Variants in ATF7IP observed in about 807,000 individuals in gnomAD.
The protein encoded by ATF7IP is activating transcription factor 7 interacting protein.
In ATF7IP, 23 loss-of-function variants were observed where a neutral mutation model predicts 106.4. That is an observed-to-expected ratio of 0.22 (90% CI 0.16 to 0.31). The LOEUF is 0.31. Among genes scored for constraint, ATF7IP ranks in the 10% least tolerant of loss-of-function variants. ATF7IP has a pLI of 1.00. For synonymous variants in ATF7IP, 542 were observed against 539.0 expected, an observed-to-expected ratio of 1.01 and a Z score of -0.08; for missense variants, 1,334 against 1,524.3, an observed-to-expected ratio of 0.88 and a Z score of 2.08.
intron 1 of ATF7IP, among the ~76,000 whole-genome samples, chr12:14,415,462 G>A (rs893432886): frequency 6.6e-6 from 1 of 152,154 alleles, no homozygotes; most frequent in Non-Finnish European, 1.5e-5. Context: ...CTCCTGCCTT[G>A]TCTGGGGAAT....
intron 6 of ATF7IP, among the ~76,000 whole-genome samples, chr12:14,448,591 A>G (rs923130370): frequency 6.6e-6 from 1 of 152,150 alleles, no homozygotes; most frequent in South Asian, 2.1e-4. Context: ...TCTTTGGGCT[A>G]TTTTGAATAA....
chr12:14,423,774 G>A (rs1941671927), intron 1 of ATF7IP, 135 bp from the exon 2 acceptor site: 1 of 923,576 alleles, frequency 1.1e-6, no homozygotes, highest in Non-Finnish European at 1.6e-6. Context: ...TATACAACAA[G>A]CAGTAGGTTT....
chr12:14,389,173 A>G (rs1045485172), intron 1 of ATF7IP, among the ~76,000 whole-genome samples: 3 of 152,196 alleles, frequency 2.0e-5, no homozygotes, highest in Admixed American at 2.0e-4. Flanking sequence ...GTGTGTATTT[A>G]AAAACTATGG....
intron 10 of ATF7IP, among the ~76,000 whole-genome samples, chr12:14,468,403 G>A (rs1484918323): frequency 2.0e-5 from 3 of 151,560 alleles, no homozygotes; most frequent in Non-Finnish European, 4.4e-5. Flanking sequence ...CACTTTGGGA[G>A]GTGAAGACAG....
At chr12:14,491,486 A>T (rs1380953678) in intron 13 of ATF7IP, among the ~76,000 whole-genome samples, 1 of 152,204 alleles carries the variant, frequency 6.6e-6, no homozygotes, top group East Asian at 1.9e-4. Flanking sequence ...CTCACCAATA[A>T]GTCCAGTGTT....
intron 1 of ATF7IP, among the ~76,000 whole-genome samples, chr12:14,372,625 A>G (rs1167348346): frequency 6.6e-6 from 1 of 152,132 alleles, no homozygotes; most frequent in African/African-American, 2.4e-5. Flanking sequence ...TCCATTGCTC[A>G]GAATATTATA....
intron 8 of ATF7IP, 90 bp from the exon 9 acceptor site, chr12:14,460,405 C>G: frequency 7.8e-7 from 1 of 1,278,476 alleles, no homozygotes; most frequent in East Asian, 2.3e-5. Context: ...CAATGTATTA[C>G]GCAATGTATT....
chr12:14,428,099 G>GGTA (rs1941949906), intron 2 of ATF7IP, among the ~76,000 whole-genome samples: 1 of 151,984 alleles, frequency 6.6e-6, no homozygotes, highest in Non-Finnish European at 1.5e-5. Flanking sequence ...TACAGAGTGT[G>GGTA]GCACTAGGCC....
chr12:14,461,410 C>G (rs1188759135), intron 9 of ATF7IP, among the ~76,000 whole-genome samples: 1 of 151,954 alleles, frequency 6.6e-6, no homozygotes, highest in East Asian at 1.9e-4. Context: ...GGCTTTGTGG[C>G]AAGCATTATG....
At position 14,383,197 on chromosome 12, in the gene ATF7IP, G is replaced by A. The variant is rs918474056; in HGVS notation, c.-8+17370G>A. ...CTTATTGGAGAATTCTGGATTTTCG[G>A]ATTAGGGATGTCCAACCTGTATTAT... On this transcript the variant is annotated intron_variant, in intron 1 of 14. Transcript: ENST00000261168. 2.0e-5 allele frequency among the ~76,000 whole-genome samples: 3 copies of A among 152,114 alleles called. No individual in the cohort carries two copies. In the East Asian group the frequency reaches 5.8e-4, roughly 29 times the overall value.
intron 9 of ATF7IP, 141 bp from the exon 10 acceptor site, chr12:14,466,385 G>A (rs1943833161): frequency 1.5e-6 from 1 of 680,378 alleles, no homozygotes; most frequent in South Asian, 1.7e-5. Context: ...GCAGTGGTCT[G>A]TGAATTTGAG....
chr12:14,381,574 C>G (rs1038355316), intron 1 of ATF7IP, among the ~76,000 whole-genome samples: 1 of 152,010 alleles, frequency 6.6e-6, no homozygotes, highest in Non-Finnish European at 1.5e-5. Context: ...GTAGCTGTTA[C>G]CTCTTATTTC....
At chr12:14,375,450 T>A (rs2136400535) in intron 1 of ATF7IP, among the ~76,000 whole-genome samples, 1 of 152,262 alleles carries the variant, frequency 6.6e-6, no homozygotes, top group South Asian at 2.1e-4. Flanking sequence ...AAAGATGGAA[T>A]GATATAATTA....
intron 1 of ATF7IP, among the ~76,000 whole-genome samples, chr12:14,411,413 G>A (rs1451389616): frequency 1.3e-5 from 2 of 152,132 alleles, no homozygotes; most frequent in South Asian, 2.1e-4. Context: ...AAAAGCCATA[G>A]CATTAGGAGA....
In ATF7IP at chr12:14,460,807, C is replaced by G. The variant is rs1312382043; in HGVS notation, c.2471C>G (p.Thr824Arg). The G allele has an allele frequency of 1.9e-6, 3 of 1,614,092 alleles. No homozygotes were observed. The African/African-American group carries it at 4.0e-5, about 22-fold the overall frequency. The change falls in exon 9 of 15, where the codon ACA (threonine) becomes AGA (arginine). Residue 824 changes from threonine (T) to arginine (R), a missense_variant. Physicochemically the swap from Thr to Arg is moderately conservative, Grantham distance 71 (BLOSUM62 -1). Coordinates refer to ENST00000261168, the MANE Select transcript of ATF7IP (RefSeq NM_018179.5). ...TTCATTTCTGTGCAAAGCCCACCTA[C>G]AGTGAGTGGTCTTACCAAAAATCCA... is the stretch of plus-strand genomic sequence containing the variant. ...VEFISVQSPP[T>R]VSGLTKNPVS...
intron 1 of ATF7IP, among the ~76,000 whole-genome samples, chr12:14,402,159 G>A (rs1446948918): frequency 4.7e-5 from 5 of 106,588 alleles, no homozygotes; most frequent in Admixed American, 1.5e-4. Context: ...ATAGGGTCTC[G>A]TTCTGTAGCC....
intron 2 of ATF7IP, among the ~76,000 whole-genome samples, chr12:14,428,737 G>A (rs1941986330): frequency 6.6e-6 from 1 of 152,124 alleles, no homozygotes. Context: ...CACTTGTTGA[G>A]CAAATATGTT....
chr12:14,446,340 G>A (rs1942957717), intron 5 of ATF7IP, among the ~76,000 whole-genome samples: 3 of 152,052 alleles, frequency 2.0e-5, no homozygotes, highest in African/African-American at 7.2e-5. Context: ...TAGAGATGGG[G>A]TTTCACCATT....
intron 1 of ATF7IP, among the ~76,000 whole-genome samples, chr12:14,415,558 G>A (rs1424688991): frequency 6.6e-6 from 1 of 152,080 alleles, no homozygotes; most frequent in African/African-American, 2.4e-5. Context: ...TTTAGTTTGG[G>A]GATATTGCAT....
Sources: gnomAD v4.1 joint callset for allele counts (sites outside exome capture counted in the v4.1 genomes callset) on GRCh38, gnomAD v4.1.1 for gene constraint, MANE v1.5 for transcripts, NCBI Gene and HGNC (gene_info 2026-07-23, HGNC 2026-07-21) for gene names.